The following ABHD6 variants were observed in gnomAD, a reference collection of about 807,000 sequenced individuals.
ABHD6 encodes abhydrolase domain containing 6, acylglycerol lipase.
A neutral mutation model predicts 38.8 loss-of-function variants in ABHD6; 33 were observed. The ratio of observed to expected loss-of-function variants is 0.85; its 90% CI spans 0.64 to 1.14. The LOEUF (loss-of-function observed/expected upper bound fraction) is 1.14, where lower values mean the gene tolerates loss of function less well. Among genes scored for constraint, ABHD6 ranks in the 50% most tolerant of loss-of-function variants. The pLI is 0.00. For missense variants in ABHD6, 380 were observed against 422.6 expected, an observed-to-expected ratio of 0.90 and a Z score of 0.88; for synonymous variants, 147 against 161.6, an observed-to-expected ratio of 0.91 and a Z score of 0.69.
intron 9 of ABHD6, among the ~76,000 whole-genome samples, chr3:58,288,362 G>A (rs2097458993): frequency 6.6e-6 from 1 of 152,178 alleles, no homozygotes; most frequent in Admixed American, 6.6e-5. Context: ...GATTTGGTCT[G>A]TATACAACCT....
intron 1 of ABHD6, among the ~76,000 whole-genome samples, chr3:58,243,121 T>C (rs578104351): frequency 2.6e-5 from 4 of 152,212 alleles, no homozygotes; most frequent in Admixed American, 6.5e-5. Context: ...CAGTCTATCA[T>C]TGATGGACGT....
Position 58,269,931 on chromosome 3 carries a change from G to A in ABHD6, c.390+497G>A, listed in dbSNP as rs2097443623. 6.6e-6 allele frequency among the ~76,000 whole-genome samples: 1 copy of A among 152,150 alleles called. No individual in the cohort carries two copies. Among genetic ancestry groups the A allele is most frequent in the Admixed American group, 6.5e-5 (1 of 15,286 alleles). On this transcript the variant is annotated intron_variant, in intron 5 of 9. Transcript: ENST00000478253. This position sits in a 1 kb window ranked among gnomAD's most constrained non-coding sequence, Gnocchi z 4.4. Reference sequence around the variant, plus strand: ...CATTTCAGAATGGGGTAGCCTGTAAGTTTCAGGTTGACCTTAAATATTTTC... The same window carrying A: ...CATTTCAGAATGGGGTAGCCTGTAAATTTCAGGTTGACCTTAAATATTTTC...
chr3:58,274,783 T>C lies in ABHD6; in HGVS notation c.649T>C (p.Cys217Arg). 1 of 1,614,208 alleles carries C rather than the reference T, an allele frequency of 6.2e-7. No individual in the cohort carries two copies. Among genetic ancestry groups the C allele is most frequent in the Non-Finnish European group, 8.5e-7 (1 of 1,180,016 alleles). ...AGAGATGAGTGAAATGCTTCAGCTCTGCTCCTATGTCCGCTTCAAGGTGCC... is the reference window on the plus strand; with the variant it reads ...AGAGATGAGTGAAATGCTTCAGCTCCGCTCCTATGTCCGCTTCAAGGTGCC... ...PEEMSEMLQL[C>R]SYVRFKVPQQ... is the part of the protein sequence containing the mutation. Residue 217 changes from cysteine to arginine, a missense_variant, in exon 7 of 10, where the codon TGC (cysteine) becomes CGC (arginine). By Grantham distance (180) the Cys-to-Arg change is radical (BLOSUM62 -3). Coordinates refer to ENST00000478253, the MANE Select transcript of ABHD6 (RefSeq NM_001320126.2).
In ABHD6 at chr3:58,271,766, GTT is replaced by G. The variant is rs3038091; in HGVS notation, c.523+725_523+726del. ...CTCTCCTCTATCTCCCCCTCTCTCT[GTT>G]TTTTTTTTTTTTTTTTTTTTTTGAG... On this transcript the variant is annotated intron_variant, in intron 6 of 9. Transcript: ENST00000478253. Among the ~76,000 whole-genome samples the G allele has an allele frequency of 9.8e-3, 623 of 63,602 alleles. 3 individuals carry two copies. The highest frequency in any genetic ancestry group is 0.033 in the African/African-American group (464 of 13,996). 41.7% of individuals were successfully genotyped at this position (63,602 alleles called of 152,430 possible). A position where few individuals can be genotyped will look rare whatever the true frequency, so the allele number is the denominator to read the frequency against.
chr3:58,273,451 G>T lies in ABHD6; in HGVS notation c.524-1207G>T, dbSNP rs1235538425. On this transcript the variant is annotated intron_variant, in intron 6 of 9. Coordinates refer to ENST00000478253, the MANE Select transcript of ABHD6 (RefSeq NM_001320126.2). The surrounding 1 kb of genome is among the most constrained non-coding windows in gnomAD (Gnocchi z 4.8). ...ATATGTTTATTGCAGCACTATTTAC[G>T]ATAGCAAAGACTTGGAACTAACCCA... Among the ~76,000 whole-genome samples, 1 of 151,918 alleles carries T rather than the reference G, an allele frequency of 6.6e-6. No homozygotes were observed. The highest frequency in any genetic ancestry group is 1.5e-5 in the Non-Finnish European group (1 of 67,990).
In ABHD6 at chr3:58,269,851, A is replaced by G. The variant is rs531479523; in HGVS notation, c.390+417A>G. Among the ~76,000 whole-genome samples, 2 of 152,276 alleles carry G rather than the reference A, an allele frequency of 1.3e-5. No individual in the cohort carries two copies. Among genetic ancestry groups the G allele is most frequent in the East Asian group, 3.9e-4 (2 of 5,184 alleles). ...CATCTATTGCTAGCACCTATTTTAG[A>G]ATCTATCTCTAGCCTTCTCTGGCTA... On this transcript the variant is annotated intron_variant, in intron 5 of 9. Transcript: ENST00000478253. This position sits in a 1 kb window ranked among gnomAD's most constrained non-coding sequence, Gnocchi z 4.4.
At position 58,257,655 on chromosome 3, in the gene ABHD6, G is replaced by A. The variant is rs959888264; in HGVS notation, c.119+950G>A. ...TGGGATTACAGGTGTGAGCCACTGCGCCTGGCCTTCATCATTGGATTCTGA... is the reference window on the plus strand; with the variant it reads ...TGGGATTACAGGTGTGAGCCACTGCACCTGGCCTTCATCATTGGATTCTGA... On this transcript the variant is annotated intron_variant, in intron 3 of 9. Coordinates refer to ENST00000478253, the MANE Select transcript of ABHD6 (RefSeq NM_001320126.2). The surrounding 1 kb of genome is among the most constrained non-coding windows in gnomAD (Gnocchi z 4.8). Among the ~76,000 whole-genome samples the A allele has an allele frequency of 6.6e-6, 1 of 152,096 alleles. No homozygotes were observed. The highest frequency in any genetic ancestry group is 1.5e-5 in the Non-Finnish European group (1 of 68,024).
chr3:58,293,116 C>T lies in ABHD6; in HGVS notation c.838-473C>T, dbSNP rs2097464429. 1.3e-5 allele frequency among the ~76,000 whole-genome samples: 2 copies of T among 152,132 alleles called. No homozygotes were observed. Among genetic ancestry groups the T allele is most frequent in the Non-Finnish European group, 2.9e-5 (2 of 68,026 alleles). On this transcript the variant is annotated intron_variant, in intron 9 of 9. Transcript: ENST00000478253. This position sits in a 1 kb window ranked among gnomAD's most constrained non-coding sequence, Gnocchi z 4.4. Reference sequence around the variant, plus strand: ...CCCCTTCTCCCCACCATGCCACCCCCACTGCCCATGTGCTTGGTGTCTCAG... The same window carrying T: ...CCCCTTCTCCCCACCATGCCACCCCTACTGCCCATGTGCTTGGTGTCTCAG...
At chr3:58,268,652 A>C (rs992625745) in intron 4 of ABHD6, among the ~76,000 whole-genome samples, 2 of 152,332 alleles carry the variant, frequency 1.3e-5, no homozygotes, top group African/African-American at 2.4e-5. Context: ...AAATTCCACT[A>C]TGAGGACAGT....
In ABHD6 at chr3:58,256,098, CACACACACACAT is replaced by C. The variant is rs1236485712; in HGVS notation, c.-25-455_-25-444del. The stretch of plus-strand genomic sequence containing the variant: ...ACCAACACACACACACACACACACA[CACACACACACAT>C]ACACACACTACTTTTTCTCTCCTGA... On this transcript the variant is annotated intron_variant, in intron 2 of 9. Coordinates refer to ENST00000478253, the MANE Select transcript of ABHD6 (RefSeq NM_001320126.2). This position sits in a 1 kb window ranked among gnomAD's most constrained non-coding sequence, Gnocchi z 4.3. 6.5e-4 allele frequency among the ~76,000 whole-genome samples: 64 copies of C among 98,382 alleles called. 1 individual carries two copies. The highest frequency in any genetic ancestry group is 3.5e-3 in the African/African-American group (57 of 16,430). 64.5% of individuals were successfully genotyped at this position (98,382 alleles called of 152,430 possible).
rs1273514775 is a variant in ABHD6 at position 58,267,464 on chromosome 3, A to G, written c.276+119A>G. The G allele has an allele frequency of 3.8e-6, 5 of 1,303,730 alleles. No homozygotes were observed. The highest frequency in any genetic ancestry group is 1.3e-5 in the South Asian group (1 of 78,790). The allele number at this position is 1,303,730 out of a possible 1,614,324, so 80.8% of individuals were successfully genotyped here. ...AGGATTGCTTGAGTCCAGGAGTTCA[A>G]AACCAGCCTGGACAACATAAAGAAA... On this transcript the variant is annotated intron_variant, in intron 4 of 9. Coordinates refer to ENST00000478253, the MANE Select transcript of ABHD6 (RefSeq NM_001320126.2). This position sits in a 1 kb window ranked among gnomAD's most constrained non-coding sequence, Gnocchi z 4.3.
chr3:58,268,458 G>T (rs998264205), intron 4 of ABHD6, among the ~76,000 whole-genome samples: 1 of 152,104 alleles, frequency 6.6e-6, no homozygotes, highest in Non-Finnish European at 1.5e-5. Context: ...GTTTACTTGG[G>T]TGTGGCAACT....
chr3:58,291,831 C>A (rs973119859), intron 9 of ABHD6, among the ~76,000 whole-genome samples: 4 of 152,150 alleles, frequency 2.6e-5, no homozygotes, highest in African/African-American at 9.7e-5. Context: ...ACCTGTCATC[C>A]CAGCTACCTG....
At chr3:58,292,399 A>AG (rs1350846029) in intron 9 of ABHD6, among the ~76,000 whole-genome samples, 1 of 152,158 alleles carries the variant, frequency 6.6e-6, no homozygotes, top group Non-Finnish European at 1.5e-5. Flanking sequence ...AGCTAAGAGA[A>AG]GGGGAGTGAA....
At position 58,238,185 on chromosome 3, in the gene ABHD6, T is replaced by C. The variant is rs1458469134; in HGVS notation, c.-91+269T>C. 1 of 152,152 alleles carries C rather than the reference T, an allele frequency of 6.6e-6. No homozygotes were observed. Among genetic ancestry groups the C allele is most frequent in the Admixed American group, 6.5e-5 (1 of 15,268 alleles). The allele number at this position is 152,152 out of a possible 1,614,324, so 9.4% of individuals were successfully genotyped here. ...AGCCGGGGGACAGAGTGAGGACGGGTCGGGACCTGCACCCTCTTTCTACTT... is the reference window on the plus strand; with the variant it reads ...AGCCGGGGGACAGAGTGAGGACGGGCCGGGACCTGCACCCTCTTTCTACTT... On this transcript the variant is annotated intron_variant, in intron 1 of 9. Coordinates refer to ENST00000478253, the MANE Select transcript of ABHD6 (RefSeq NM_001320126.2). This position sits in a 1 kb window ranked among gnomAD's most constrained non-coding sequence, Gnocchi z 6.9.
At chr3:58,244,150 A>G (rs1485514724) in intron 1 of ABHD6, among the ~76,000 whole-genome samples, 2 of 152,236 alleles carry the variant, frequency 1.3e-5, no homozygotes, top group Non-Finnish European at 2.9e-5. Flanking sequence ...AACAATGGAA[A>G]GTAAAATTGC....
chr3:58,242,156 G>A (rs1464658909), intron 1 of ABHD6, among the ~76,000 whole-genome samples: 3 of 152,122 alleles, frequency 2.0e-5, no homozygotes, highest in East Asian at 1.9e-4. Context: ...GGGAGAGCAC[G>A]GCATGTCTGG....
intron 7 of ABHD6, among the ~76,000 whole-genome samples, chr3:58,275,133 CA>C (rs1006043668): frequency 6.6e-6 from 1 of 152,044 alleles, no homozygotes; most frequent in Non-Finnish European, 1.5e-5. Context: ...TACGGGGAGG[CA>C]GGGGTGGCTT....
At position 58,256,197 on chromosome 3, in the gene ABHD6, T is replaced by G. The variant is rs1055341103; in HGVS notation, c.-25-365T>G. Among the ~76,000 whole-genome samples the G allele has an allele frequency of 6.6e-6, 1 of 151,866 alleles. No individual in the cohort carries two copies. The highest frequency in any genetic ancestry group is 6.6e-5 in the Admixed American group (1 of 15,240). ...ACCCCTTACAACTTCAGCAAACATCTCCTAAAAGGGAAGATATTCTCCTAC... is the reference window on the plus strand; with the variant it reads ...ACCCCTTACAACTTCAGCAAACATCGCCTAAAAGGGAAGATATTCTCCTAC... On this transcript the variant is annotated intron_variant, in intron 2 of 9. Transcript: ENST00000478253. The surrounding 1 kb of genome is among the most constrained non-coding windows in gnomAD (Gnocchi z 4.3).
Sources: allele counts gnomAD v4.1 joint callset (sites outside exome capture counted in the v4.1 genomes callset), GRCh38; gene constraint gnomAD v4.1.1; non-coding constraint Gnocchi (gnomAD v3.1); transcripts MANE v1.5; gene names NCBI Gene and HGNC (gene_info 2026-07-23, HGNC 2026-07-21).